The following KIAA1217 variants were observed in gnomAD, a reference collection of about 807,000 sequenced individuals.
The protein encoded by KIAA1217 is KIAA1217.
In KIAA1217, 88 loss-of-function variants were observed where a neutral mutation model predicts 163.9. The ratio of observed to expected loss-of-function variants is 0.54; its 90% CI spans 0.45 to 0.64. The LOEUF (loss-of-function observed/expected upper bound fraction) is 0.64, where lower values mean the gene tolerates loss of function less well. Among genes scored for constraint, KIAA1217 ranks in the 30% least tolerant of loss-of-function variants. The pLI is 0.00. For synonymous variants in KIAA1217, 903 were observed against 923.1 expected (o/e 0.98, Z 0.39); for missense variants, 2,372 against 2,475.0 (o/e 0.96, Z 0.88).
chr10:24,317,844 A>G (rs1156727042), intron 2 of KIAA1217, among the ~76,000 whole-genome samples: 2 of 152,232 alleles, frequency 1.3e-5, no homozygotes, highest in East Asian at 3.8e-4. Context: ...TTAGTGGCCA[A>G]TTGAAAATAC....
At chr10:23,764,350 T>C (rs562668418) in intron 1 of KIAA1217, among the ~76,000 whole-genome samples, 20 of 152,188 alleles carry the variant, frequency 1.3e-4, no homozygotes, top group Non-Finnish European at 2.4e-4. Flanking sequence ...TTTTACACTG[T>C]TGATGGGAGT....
chr10:24,060,946 G>A (rs2131600882), intron 2 of KIAA1217, among the ~76,000 whole-genome samples: 1 of 152,238 alleles, frequency 6.6e-6, no homozygotes, highest in East Asian at 1.9e-4. Context: ...TAAGTATTTG[G>A]TTCATTTGTT....
rs79882119 is a variant in KIAA1217, at chr10:24,116,626, G to T, written c.-170-103000G>T. ...GTTTGTGGATCCCTGATGTAGAACA[G>T]CCTTCTAGATGATTTTTAAATTTTT... On this transcript the variant is annotated intron_variant, in intron 2 of 18. Transcript: ENST00000376462. Among the ~76,000 whole-genome samples, 693 of 152,202 alleles carry T rather than the reference G, an allele frequency of 4.6e-3. 13 individuals are homozygous for T. The highest frequency in any genetic ancestry group is 0.033 in the East Asian group (170 of 5,122).
chr10:23,846,032 A>C (rs1001798185), intron 1 of KIAA1217, among the ~76,000 whole-genome samples: 13 of 152,188 alleles, frequency 8.5e-5, no homozygotes, highest in African/African-American at 3.1e-4. Context: ...GTCAAAGATC[A>C]GATGGTTGTA....
At chr10:23,821,178 G>A (rs973525427) in intron 1 of KIAA1217, among the ~76,000 whole-genome samples, 3 of 151,396 alleles carry the variant, frequency 2.0e-5, no homozygotes, top group African/African-American at 7.3e-5. Context: ...TGTATTTATT[G>A]CAAGCAATGT....
chr10:23,774,382 C>T (rs1564408577), intron 1 of KIAA1217, among the ~76,000 whole-genome samples: 1 of 152,178 alleles, frequency 6.6e-6, no homozygotes, highest in Non-Finnish European at 1.5e-5. Context: ...CAGGTACCCC[C>T]ATCCTAGGTC....
chr10:23,697,603 C>T (rs1427035959), intron 1 of KIAA1217, among the ~76,000 whole-genome samples: 2 of 151,964 alleles, frequency 1.3e-5, no homozygotes, highest in Non-Finnish European at 1.5e-5. Flanking sequence ...GTCACAGTGG[C>T]TCACTCCTGT....
chr10:23,984,042 T>G (rs1845874119), intron 1 of KIAA1217, among the ~76,000 whole-genome samples: 1 of 152,212 alleles, frequency 6.6e-6, no homozygotes, highest in Admixed American at 6.5e-5. Flanking sequence ...TAGCAGTCAC[T>G]AGTCCACTGC....
At chr10:24,455,129 A>G (rs1382469121) in intron 5 of KIAA1217, among the ~76,000 whole-genome samples, 2 of 152,184 alleles carry the variant, frequency 1.3e-5, no homozygotes, top group Non-Finnish European at 2.9e-5. Context: ...TATTTTTATT[A>G]TTCGTAACAA....
chr10:24,415,265 C>T (rs2058145585), intron 3 of KIAA1217, among the ~76,000 whole-genome samples: 1 of 151,994 alleles, frequency 6.6e-6, no homozygotes, highest in African/African-American at 2.4e-5. Context: ...TAGGCACCTG[C>T]CACCATGCCC....
At chr10:23,806,706 T>C (rs545278457) in intron 1 of KIAA1217, among the ~76,000 whole-genome samples, 1 of 152,250 alleles carries the variant, frequency 6.6e-6, no homozygotes, top group East Asian at 1.9e-4. Context: ...CTTGACTCTT[T>C]TGAATGAGTT....
intron 2 of KIAA1217, among the ~76,000 whole-genome samples, chr10:24,147,259 T>A (rs948473559): frequency 6.6e-6 from 1 of 152,206 alleles, no homozygotes; most frequent in Non-Finnish European, 1.5e-5. Context: ...TATTTTTATT[T>A]TTGCAGTTCA....
At chr10:23,973,612 G>T (rs905391422) in intron 1 of KIAA1217, among the ~76,000 whole-genome samples, 1 of 152,132 alleles carries the variant, frequency 6.6e-6, no homozygotes, top group Admixed American at 6.5e-5. Context: ...TGCCCACATC[G>T]AGGAAGATCA....
At chr10:24,425,475 A>G (rs2059103312) in intron 3 of KIAA1217, among the ~76,000 whole-genome samples, 1 of 152,254 alleles carries the variant, frequency 6.6e-6, no homozygotes, top group African/African-American at 2.4e-5. Flanking sequence ...CACTGTCATC[A>G]AGGTGATTAA....
intron 2 of KIAA1217, among the ~76,000 whole-genome samples, chr10:24,327,031 AAC>A (rs1392932774): frequency 6.6e-6 from 1 of 152,208 alleles, no homozygotes; most frequent in Non-Finnish European, 1.5e-5. Flanking sequence ...GTGTTTTCAA[AAC>A]ACAGCACAAA....
chr10:24,538,562 GAGGGAGGAAGGAAGGA>G (rs756362530), intron 17 of KIAA1217, among the ~76,000 whole-genome samples: 1,339 of 83,874 alleles, frequency 0.016, 26 homozygotes, highest in African/African-American at 0.048. Flanking sequence ...GGGAGGGAGG[GAGGGAGGAAGGAAGGA>G]AGGAAGGAAG....
At chr10:23,987,419 A>T (rs11595480) in intron 1 of KIAA1217, among the ~76,000 whole-genome samples, 5,573 of 94,654 alleles carry the variant, frequency 0.059, 158 homozygotes, top group Middle Eastern at 0.1. Context: ...TTGTTTTTTT[A>T]AAAAAAAACC....
At position 24,188,145 on chromosome 10, in the gene KIAA1217, C is replaced by T. The variant is rs374918972; in HGVS notation, c.-170-31481C>T. Among the ~76,000 whole-genome samples, 14 of 151,962 alleles carry T rather than the reference C, an allele frequency of 9.2e-5. No individual in the cohort carries two copies. The East Asian group carries it at 1.7e-3, about 19-fold the overall frequency. ...CTGGGAGGCAGAGTTTGCAGTGAGC[C>T]GAGAACCCACCACTGCACTCCAGCC... On this transcript the variant is annotated intron_variant, in intron 2 of 18. Transcript: ENST00000376462.
chr10:24,158,044 G>T, intron 2 of KIAA1217: 1 of 755,640 alleles, frequency 1.3e-6, no homozygotes, highest in Non-Finnish European at 2.5e-6. Context: ...TTGCAGGTGG[G>T]TCACCACCAC....
Sources: allele counts gnomAD v4.1 joint callset (sites outside exome capture counted in the v4.1 genomes callset), GRCh38; gene constraint gnomAD v4.1.1; transcripts MANE v1.5; gene names NCBI Gene and HGNC (gene_info 2026-07-23, HGNC 2026-07-21).